The following POC1B variants were observed in gnomAD, a reference collection of about 807,000 sequenced individuals.
POC1B encodes POC1 centriolar protein B.
Under a neutral mutation model 60.6 loss-of-function variants are expected in POC1B, and 44 were observed. The ratio of observed to expected loss-of-function variants is 0.73; its 90% CI spans 0.57 to 0.93. POC1B has a LOEUF of 0.93. POC1B is among the 40% of genes least tolerant of loss of function. POC1B has a pLI of 0.00. For missense variants in POC1B, 555 were observed against 572.3 expected (o/e 0.97, Z 0.31); for synonymous variants, 180 against 198.9 (o/e 0.90, Z 0.80).
chr12:89,506,868 C>G (rs1869923720), intron 2 of POC1B, among the ~76,000 whole-genome samples: 1 of 152,006 alleles, frequency 6.6e-6, no homozygotes, highest in African/African-American at 2.4e-5. Flanking sequence ...TCAGGACTTA[C>G]TTTGGTCCTG....
chr12:89,523,721 C>T, intron 2 of POC1B: 2 of 1,548,106 alleles, frequency 1.3e-6, no homozygotes, highest in Non-Finnish European at 1.7e-6. Context: ...CAGTCAAACC[C>T]ACCAATCATG....
chr12:89,450,766 GTT>G (rs1882006563), intron 10 of POC1B, among the ~76,000 whole-genome samples: 1 of 152,112 alleles, frequency 6.6e-6, no homozygotes, highest in South Asian at 2.1e-4. Context: ...TGTTGATGTT[GTT>G]ATTACAAACA....
rs780714277 is a variant in POC1B, at chr12:89,421,215, T to A, written c.1375A>T (p.Lys459Ter). 6.2e-7 allele frequency: 1 copy of A among 1,603,582 alleles called. No individual in the cohort carries two copies. The highest frequency in any genetic ancestry group is 2.2e-5 in the East Asian group (1 of 44,674). Reference protein sequence around the residue: ...LEQRLTLTEDKLKDCLENQQK... With the variant: ...LEQRLTLTED ...TGATTTTCAAGGCAGTCTTTCAGCT[T>A]ATCCTCTGTCAAAGTCAGTCGCTGC... Residue 459 changes from lysine to a stop codon, truncating the protein, a stop_gained, in exon 12 of 12, where the codon AAG becomes TAG. Transcript: ENST00000313546. LOFTEE classifies it high-confidence loss of function.
chr12:89,508,752 T>C (rs1256145031), intron 2 of POC1B, among the ~76,000 whole-genome samples: 1 of 152,192 alleles, frequency 6.6e-6, no homozygotes, highest in Non-Finnish European at 1.5e-5. Context: ...GTTCTCATGA[T>C]AGTGAGTGAT....
chr12:89,472,171 A>G lies in POC1B; in HGVS notation c.557T>C (p.Val186Ala), dbSNP rs1456606068. 7 of 1,571,020 alleles carry G rather than the reference A, an allele frequency of 4.5e-6. No homozygotes were observed. The highest frequency in any genetic ancestry group is 2.2e-5 in the East Asian group (1 of 44,590). ...TGCACAAAGAAAGTGTACTTACCCA[A>G]CGGAATCTGAGAAGTTATTAACACA... is the stretch of plus-strand genomic sequence containing the variant. ...KQCVNNFSDS[V>A]GFANFVDFNP... The change falls in exon 5 of 12, where the codon GTT becomes GCT. Residue 186 changes from valine (V) to alanine (A), a missense_variant. Val to Ala is a moderately conservative substitution (Grantham distance 64, BLOSUM62 0). Transcript: ENST00000313546.
chr12:89,514,060 G>A lies in POC1B; in HGVS notation c.100+11060C>T, dbSNP rs76860534. ...GAAACCTAAGAGCCCCTATAATATG[G>A]TTTGGACTTATGACCCCACCCAAAT... On this transcript the variant is annotated intron_variant, in intron 2 of 11. Coordinates refer to ENST00000313546, the MANE Select transcript of POC1B (RefSeq NM_172240.3). Among the ~76,000 whole-genome samples the A allele has an allele frequency of 6.8e-3, 1,033 of 152,184 alleles. 12 individuals carry two copies. Among genetic ancestry groups the A allele is most frequent in the African/African-American group, 0.024 (996 of 41,504 alleles).
intron 9 of POC1B, among the ~76,000 whole-genome samples, chr12:89,462,090 C>A (rs532763725): frequency 1.3e-5 from 2 of 151,982 alleles, no homozygotes; most frequent in Non-Finnish European, 2.9e-5. Context: ...CCTTGACCTA[C>A]AAGTTGGGAA....
At chr12:89,447,989 G>A (rs1480390016) in intron 10 of POC1B, among the ~76,000 whole-genome samples, 1 of 149,460 alleles carries the variant, frequency 6.7e-6, no homozygotes, top group Admixed American at 6.7e-5. Flanking sequence ...GGAACACTAA[G>A]AGAGAGAGAG....
At chr12:89,524,392 T>C in intron 2 of POC1B, 1 of 1,614,052 alleles carries the variant, frequency 6.2e-7, no homozygotes, top group Non-Finnish European at 8.5e-7. Flanking sequence ...CGTATTTTTC[T>C]GGAGGTCTGA....
chr12:89,524,054 G>T (rs1225654031), intron 2 of POC1B: 1 of 1,613,598 alleles, frequency 6.2e-7, no homozygotes, highest in Non-Finnish European at 8.5e-7. Context: ...TCTTTCAAAA[G>T]AACTGCAGGA....
chr12:89,407,767 AC>A, the POC1B span, among the ~76,000 whole-genome samples: 1 of 152,178 alleles, frequency 6.6e-6, no homozygotes, highest in South Asian at 2.1e-4. Flanking sequence ...AGGCTAAAAC[AC>A]CAAATGATTG....
At chr12:89,516,175 C>T (rs765799308) in intron 2 of POC1B, among the ~76,000 whole-genome samples, 9 of 152,196 alleles carry the variant, frequency 5.9e-5, no homozygotes, top group Non-Finnish European at 8.8e-5. Flanking sequence ...TACCCCACTC[C>T]TAACCCTTGG....
At chr12:89,500,785 A>G in intron 2 of POC1B, 7 of 1,010,292 alleles carry the variant, frequency 6.9e-6, no homozygotes, top group Non-Finnish European at 7.5e-6. Context: ...TCAGATAAAG[A>G]GGATAAAACA....
chr12:89,500,211 A>G (rs2135746199), intron 2 of POC1B: 1 of 1,596,172 alleles, frequency 6.3e-7, no homozygotes, highest in Non-Finnish European at 8.6e-7. Flanking sequence ...ATCTTACAAG[A>G]CTGTTTTGAA....
intron 10 of POC1B, among the ~76,000 whole-genome samples, chr12:89,447,701 T>C (rs368339640): frequency 1.3e-5 from 2 of 152,278 alleles, no homozygotes; most frequent in South Asian, 2.1e-4. Context: ...TACCTGATGC[T>C]AGATGTCATT....
chr12:89,500,758 AAATAGAT>A (rs1478537635), intron 2 of POC1B: 2 of 1,090,064 alleles, frequency 1.8e-6, no homozygotes, highest in Non-Finnish European at 1.3e-6. Flanking sequence ...AAATAGATAG[AAATAGAT>A]AATAAAGTAT....
intron 2 of POC1B, among the ~76,000 whole-genome samples, chr12:89,515,965 C>T (rs1870422776): frequency 6.6e-6 from 1 of 152,180 alleles, no homozygotes; most frequent in Non-Finnish European, 1.5e-5. Context: ...ATCCCAATCA[C>T]TCTGCCTTTT....
chr12:89,465,026 A>T (rs569699965), intron 9 of POC1B, among the ~76,000 whole-genome samples: 1 of 152,292 alleles, frequency 6.6e-6, no homozygotes, highest in South Asian at 2.1e-4. Context: ...CACAAGGCTC[A>T]GCATTTTGTA....
chr12:89,409,835 C>T, the POC1B span, among the ~76,000 whole-genome samples: 1 of 152,102 alleles, frequency 6.6e-6, no homozygotes, highest in African/African-American at 2.4e-5. Flanking sequence ...CCAAGAAAAG[C>T]CAAGGAGCAG....
Sources: gnomAD v4.1 joint callset for allele counts (sites outside exome capture counted in the v4.1 genomes callset) on GRCh38, gnomAD v4.1.1 for gene constraint, MANE v1.5 for transcripts, NCBI Gene and HGNC (gene_info 2026-07-23, HGNC 2026-07-21) for gene names.